The following SNCAIP variants were observed in gnomAD, a reference collection of about 807,000 sequenced individuals.
The protein encoded by SNCAIP is synuclein alpha interacting protein.
SNCAIP carries 43 observed loss-of-function variants against 86.7 expected under a neutral mutation model. That is an observed-to-expected ratio of 0.50 (90% CI 0.39 to 0.64). The LOEUF (loss-of-function observed/expected upper bound fraction) is 0.64. Ranked by LOEUF, SNCAIP falls within the 30% of genes least tolerant of loss-of-function variation. SNCAIP has a pLI of 0.00. For synonymous variants in SNCAIP, 417 were observed against 427.2 expected (o/e 0.98, Z 0.29); for missense variants, 981 against 1,103.1 (o/e 0.89, Z 1.57).
intron 1 of SNCAIP, among the ~76,000 whole-genome samples, chr5:122,364,241 A>G (rs925165792): frequency 1.3e-5 from 2 of 152,344 alleles, no homozygotes; most frequent in African/African-American, 4.8e-5. Flanking sequence ...TGTTTAGCAT[A>G]TAATCAAGAA....
At chr5:122,409,382 T>A (rs1773664514) in intron 3 of SNCAIP, among the ~76,000 whole-genome samples, 1 of 152,238 alleles carries the variant, frequency 6.6e-6, no homozygotes, top group African/African-American at 2.4e-5. Context: ...CATCTGTATC[T>A]GCTAAACTCA....
Position 122,354,660 on chromosome 5 carries a change from G to A in SNCAIP, c.-46-36429G>A, listed in dbSNP as rs530228094. ...TAATCATGTTAATATTATGTGACTCGGGTTATATGATATTTTCAATGATCA... is the reference window on the plus strand; with the variant it reads ...TAATCATGTTAATATTATGTGACTCAGGTTATATGATATTTTCAATGATCA... On this transcript the variant is annotated intron_variant, in intron 1 of 10. Transcript: ENST00000261368. 7.9e-5 allele frequency among the ~76,000 whole-genome samples: 12 copies of A among 152,262 alleles called. No individual in the cohort carries two copies. In the South Asian group the frequency reaches 1.0e-3, roughly 13 times the overall value.
intron 1 of SNCAIP, among the ~76,000 whole-genome samples, chr5:122,344,353 T>C (rs1758183204): frequency 6.6e-6 from 1 of 152,230 alleles, no homozygotes; most frequent in Non-Finnish European, 1.5e-5. Context: ...AAATAATTTT[T>C]ATTGAAGAAG....
intron 1 of SNCAIP, among the ~76,000 whole-genome samples, chr5:122,315,188 T>C (rs1751448363): frequency 6.6e-6 from 1 of 152,220 alleles, no homozygotes; most frequent in Non-Finnish European, 1.5e-5. Context: ...TCTGCTATTC[T>C]TAGTTAGGTT....
At chr5:122,433,704 G>A (rs141293574) in intron 6 of SNCAIP, among the ~76,000 whole-genome samples, 28 of 152,260 alleles carry the variant, frequency 1.8e-4, no homozygotes, top group Non-Finnish European at 4.0e-4. Flanking sequence ...ACAGTGTCCT[G>A]AAAATGATTA....
In SNCAIP at chr5:122,445,055, T is replaced by C. The variant is rs548659401; in HGVS notation, c.1592+323T>C. ...GATTACAGAGCGCTGGAAGCACTCA[T>C]AGGCATCATCTCCAAACTTTTGTCC... On this transcript the variant is annotated intron_variant, in intron 8 of 10. Transcript: ENST00000261368. 3.2e-3 allele frequency: 1,221 copies of C among 387,288 alleles called. 4 individuals carry two copies. Among genetic ancestry groups the C allele is most frequent in the Non-Finnish European group, 3.6e-3 (736 of 205,028 alleles). 24.0% of individuals were successfully genotyped at this position (387,288 alleles called of 1,614,324 possible).
At chr5:122,312,064 G>C (rs1207532068), upstream of SNCAIP, 2 of 146,674 alleles carry the variant, frequency 1.4e-5, no homozygotes, top group East Asian at 4.0e-4. Flanking sequence ...CGCCGGCTTC[G>C]GGCCGCGGCC....
At chr5:122,321,410 T>TG (rs1394260894) in intron 1 of SNCAIP, 4 of 152,124 alleles carry the variant, frequency 2.6e-5, no homozygotes, top group Non-Finnish European at 4.4e-5. Flanking sequence ...GAGGAGACCC[T>TG]GGGATGCCTA....
At chr5:122,324,563 A>C (rs980383544) in intron 1 of SNCAIP, among the ~76,000 whole-genome samples, 12 of 152,206 alleles carry the variant, frequency 7.9e-5, no homozygotes, top group Admixed American at 5.9e-4. Context: ...ATGTGTTCCT[A>C]ATATAAGTTT....
At chr5:122,367,255 G>A (rs1763371411) in intron 1 of SNCAIP, among the ~76,000 whole-genome samples, 1 of 152,116 alleles carries the variant, frequency 6.6e-6, no homozygotes. Flanking sequence ...AGCCTTAAAA[G>A]AAAAAGAGAG....
rs866046476 is a variant in SNCAIP, at chr5:122,382,573, C to G, written c.-46-8516C>G. Among the ~76,000 whole-genome samples the G allele has an allele frequency of 1.5e-4, 23 of 152,300 alleles. No individual in the cohort carries two copies. In the South Asian group the frequency reaches 4.8e-3, roughly 32 times the overall value. ...AAGTCATTCTCCATCCAGCTTTGTT[C>G]CGTTGCTGGTGAGGAACTGCGTTCC... On this transcript the variant is annotated intron_variant, in intron 1 of 10. Transcript: ENST00000261368.
chr5:122,393,569 C>T (rs1229033488), intron 2 of SNCAIP, among the ~76,000 whole-genome samples: 1 of 152,152 alleles, frequency 6.6e-6, no homozygotes. Flanking sequence ...ACCCCAGAAA[C>T]ATTTAACAAT....
In SNCAIP at chr5:122,329,101, AC is replaced by A. The variant is rs1482299792; in HGVS notation, c.-47+16818del. Among the ~76,000 whole-genome samples, 7 of 152,342 alleles carry A rather than the reference AC, an allele frequency of 4.6e-5. No homozygotes were observed. In the East Asian group the frequency reaches 9.6e-4, roughly 21 times the overall value. Reference sequence around the variant, plus strand: ...GCACCATGTTTCATTCATGTCTGCCACATTTTCAATGCTTAGCTTCATGTCT... The same window carrying A: ...GCACCATGTTTCATTCATGTCTGCCAATTTTCAATGCTTAGCTTCATGTCT... On this transcript the variant is annotated intron_variant, in intron 1 of 10. Coordinates refer to ENST00000261368, the MANE Select transcript of SNCAIP (RefSeq NM_005460.4).
chr5:122,401,236 C>G (rs1238665617), intron 2 of SNCAIP: 37 of 1,040,454 alleles, frequency 3.6e-5, no homozygotes, highest in Non-Finnish European at 4.7e-5. Flanking sequence ...ACAATGCATA[C>G]TTGTAAGGGA....
At chr5:122,385,661 G>C (rs117063177) in intron 1 of SNCAIP, among the ~76,000 whole-genome samples, 2 of 150,700 alleles carry the variant, frequency 1.3e-5, no homozygotes, top group African/African-American at 4.9e-5. Flanking sequence ...GCAGGCATGC[G>C]TGTGCGCACG....
At chr5:122,397,324 AGATCATTCAATACTGT>A (rs1770826542) in intron 2 of SNCAIP, among the ~76,000 whole-genome samples, 1 of 152,124 alleles carries the variant, frequency 6.6e-6, no homozygotes, top group East Asian at 1.9e-4. Context: ...CAATATAAGG[AGATCATTCAATACTGT>A]GATCTTACCA....
chr5:122,395,498 T>G (rs953832687), intron 2 of SNCAIP, among the ~76,000 whole-genome samples: 5 of 152,184 alleles, frequency 3.3e-5, no homozygotes, highest in African/African-American at 1.2e-4. Context: ...GGTCAAAGCC[T>G]TTGCAACCTA....
At chr5:122,458,888 G>A (rs1270589875) in intron 10 of SNCAIP, among the ~76,000 whole-genome samples, 2 of 152,128 alleles carry the variant, frequency 1.3e-5, no homozygotes, top group East Asian at 1.9e-4. Flanking sequence ...TGTACTCCAC[G>A]TGTACTCCCA....
chr5:122,382,591 T>C (rs1767098359), intron 1 of SNCAIP, among the ~76,000 whole-genome samples: 1 of 152,222 alleles, frequency 6.6e-6, no homozygotes, highest in South Asian at 2.1e-4. Flanking sequence ...GGTGAGGAAC[T>C]GCGTTCCTTT....
Sources: gnomAD v4.1 joint callset for allele counts (sites outside exome capture counted in the v4.1 genomes callset) on GRCh38, gnomAD v4.1.1 for gene constraint, MANE v1.5 for transcripts, NCBI Gene and HGNC (gene_info 2026-07-23, HGNC 2026-07-21) for gene names.